The following CNTN3 variants were observed in gnomAD, a reference collection of about 807,000 sequenced individuals.
CNTN3 encodes contactin 3.
CNTN3 carries 60 observed loss-of-function variants against 119.1 expected under a neutral mutation model. That is an observed-to-expected ratio of 0.50 (90% CI 0.41 to 0.62). The LOEUF is 0.62. Ranked by LOEUF, CNTN3 falls within the 20% of genes least tolerant of loss-of-function variation. CNTN3 has a pLI of 0.00. For missense variants in CNTN3, 1,101 were observed against 1,242.4 expected (o/e 0.89, Z 1.71); for synonymous variants, 450 against 438.7 (o/e 1.03, Z -0.32).
intron 1 of CNTN3, among the ~76,000 whole-genome samples, chr3:74,560,419 T>C (rs1704135970): frequency 6.6e-6 from 1 of 152,138 alleles, no homozygotes. Flanking sequence ...GCCTTAAGAG[T>C]TTAAATTTTG....
At chr3:74,347,993 GA>G (rs1000823353) in intron 11 of CNTN3, among the ~76,000 whole-genome samples, 3 of 151,518 alleles carry the variant, frequency 2.0e-5, no homozygotes, top group Admixed American at 6.6e-5. Flanking sequence ...TTTACAGTTG[GA>G]AAAAAAAAGT....
At chr3:74,482,577 G>T (rs1430212442) in intron 4 of CNTN3, among the ~76,000 whole-genome samples, 1 of 151,974 alleles carries the variant, frequency 6.6e-6, no homozygotes, top group Non-Finnish European at 1.5e-5. Context: ...GTTAAAAGTG[G>T]AGCATCAACC....
chr3:74,566,753 CTT>C (rs1411645766), intron 1 of CNTN3, among the ~76,000 whole-genome samples: 1 of 152,126 alleles, frequency 6.6e-6, no homozygotes, highest in Non-Finnish European at 1.5e-5. Context: ...GGCATTATGA[CTT>C]ATATCTTTTT....
intron 4 of CNTN3, among the ~76,000 whole-genome samples, chr3:74,442,292 C>G (rs1237682219): frequency 2.6e-5 from 4 of 152,064 alleles, no homozygotes; most frequent in African/African-American, 7.2e-5. Flanking sequence ...GTATCTTTCT[C>G]TTTTTCTAGG....
At chr3:74,361,760 T>C (rs1704077805) in intron 11 of CNTN3, 130 bp downstream of exon 11, 1 of 936,914 alleles carries the variant, frequency 1.1e-6, no homozygotes, top group Non-Finnish European at 1.5e-6. Flanking sequence ...AATACTACTA[T>C]TTTAGTTCTT....
chr3:74,334,013 G>A (rs1420951370), intron 13 of CNTN3, among the ~76,000 whole-genome samples: 1 of 152,168 alleles, frequency 6.6e-6, no homozygotes, highest in Non-Finnish European at 1.5e-5. Flanking sequence ...TAAACATGCT[G>A]TGAGGCTTAC....
At chr3:74,446,780 G>A (rs919028409) in intron 4 of CNTN3, among the ~76,000 whole-genome samples, 26 of 147,802 alleles carry the variant, frequency 1.8e-4, no homozygotes, top group Non-Finnish European at 2.5e-4. Context: ...TGCTACCCTA[G>A]AGTATTTTAC....
At chr3:74,509,870 T>C (rs1376650256) in intron 2 of CNTN3, among the ~76,000 whole-genome samples, 1 of 151,446 alleles carries the variant, frequency 6.6e-6, no homozygotes, top group African/African-American at 2.5e-5. Flanking sequence ...TTGTGTATTT[T>C]ACTCATCACA....
At chr3:74,560,126 T>C (rs1704131027) in intron 1 of CNTN3, among the ~76,000 whole-genome samples, 1 of 152,158 alleles carries the variant, frequency 6.6e-6, no homozygotes, top group Admixed American at 6.5e-5. Flanking sequence ...GGTGCAAATT[T>C]CAGCAGCACA....
chr3:74,503,028 G>A (rs184122943), intron 2 of CNTN3, among the ~76,000 whole-genome samples: 3 of 152,220 alleles, frequency 2.0e-5, no homozygotes, highest in East Asian at 3.9e-4. Flanking sequence ...CTATTTTACA[G>A]CTAGTGATTG....
intron 4 of CNTN3, among the ~76,000 whole-genome samples, chr3:74,450,767 G>C (rs1559608678): frequency 1.3e-5 from 2 of 149,444 alleles, no homozygotes; most frequent in African/African-American, 2.5e-5. Flanking sequence ...GCAGTGTTTG[G>C]TTTTTTGTTC....
At chr3:74,315,415 T>C (rs1559698587) in intron 13 of CNTN3, among the ~76,000 whole-genome samples, 1 of 152,178 alleles carries the variant, frequency 6.6e-6, no homozygotes, top group African/African-American at 2.4e-5. Flanking sequence ...AATTCTTTTC[T>C]TGCACAAGAA....
intron 4 of CNTN3, among the ~76,000 whole-genome samples, chr3:74,430,919 C>T (rs1245062491): frequency 6.6e-6 from 1 of 152,056 alleles, no homozygotes; most frequent in African/African-American, 2.4e-5. Flanking sequence ...GCTTGCTGAC[C>T]CCGCTTCTGG....
intron 5 of CNTN3, among the ~76,000 whole-genome samples, chr3:74,396,963 C>A (rs573294358): frequency 9.6e-4 from 146 of 152,256 alleles, no homozygotes; most frequent in South Asian, 6.4e-3. Flanking sequence ...CAGCAGACAG[C>A]AGACTTTCAA....
At chr3:74,269,777 T>C (rs758706120) in intron 20 of CNTN3, among the ~76,000 whole-genome samples, 37 of 152,228 alleles carry the variant, frequency 2.4e-4, no homozygotes, top group Admixed American at 1.3e-3. Context: ...ACAAATACTT[T>C]ATAATTCTAC....
chr3:74,297,857 G>A, intron 18 of CNTN3, 100 bp downstream of exon 18: 1 of 838,536 alleles, frequency 1.2e-6, no homozygotes, highest in Non-Finnish European at 1.9e-6. Context: ...TTGTTCTTTG[G>A]AATAAATATA....
chr3:74,613,940 A>T (rs1705125290), intron 1 of CNTN3, among the ~76,000 whole-genome samples: 1 of 152,216 alleles, frequency 6.6e-6, no homozygotes, highest in South Asian at 2.1e-4. Context: ...CTAATGAAAG[A>T]ATCGGCCACC....
chr3:74,345,591 C>A (rs992806023), intron 11 of CNTN3, among the ~76,000 whole-genome samples: 3 of 152,054 alleles, frequency 2.0e-5, no homozygotes, highest in Admixed American at 2.0e-4. Flanking sequence ...AAGTTGTGAG[C>A]GGTAAAAGAA....
intron 11 of CNTN3, among the ~76,000 whole-genome samples, chr3:74,360,065 C>T (rs1177088266): frequency 6.6e-6 from 1 of 152,152 alleles, no homozygotes; most frequent in Non-Finnish European, 1.5e-5. Context: ...TCTTGTCATC[C>T]TGCTGTGTCT....
Sources: gnomAD v4.1 joint callset for allele counts (sites outside exome capture counted in the v4.1 genomes callset) on GRCh38, gnomAD v4.1.1 for gene constraint, MANE v1.5 for transcripts, NCBI Gene and HGNC (gene_info 2026-07-23, HGNC 2026-07-21) for gene names.